PTPRD: variants seen among roughly 807,000 people sequenced by gnomAD.
PTPRD encodes protein tyrosine phosphatase receptor type D.
Under a neutral mutation model 214.5 loss-of-function variants are expected in PTPRD, and 34 were observed. That is an observed-to-expected ratio of 0.16 (90% CI 0.12 to 0.21). The LOEUF is 0.21. Ranked by LOEUF, PTPRD falls within the 10% of genes least tolerant of loss-of-function variation. The pLI is 1.00. For synonymous variants in PTPRD, 1,128 were observed against 845.7 expected (o/e 1.33, Z -5.79); for missense variants, 2,545 against 2,398.7 (o/e 1.06, Z -1.27).
intron 9 of PTPRD, among the ~76,000 whole-genome samples, chr9:9,199,405 G>A (rs985642893): frequency 1.3e-5 from 2 of 152,198 alleles, no homozygotes; most frequent in East Asian, 3.9e-4. Flanking sequence ...ATGCCCTATG[G>A]TACACACCAG....
chr9:10,047,308 C>T (rs2097420388), intron 3 of PTPRD, among the ~76,000 whole-genome samples: 1 of 117,188 alleles, frequency 8.5e-6, no homozygotes, highest in East Asian at 2.1e-4. Flanking sequence ...ATAAAATCAA[C>T]TAACTGTGTG....
rs73641267 is a variant in PTPRD at position 9,230,107 on chromosome 9, T to C, written c.-202-46744A>G. Among the ~76,000 whole-genome samples the C allele has an allele frequency of 3.1e-3, 468 of 152,216 alleles. 3 individuals are homozygous for C. The highest frequency in any genetic ancestry group is 0.01 in the African/African-American group (435 of 41,554). On this transcript the variant is annotated intron_variant, in intron 9 of 45. Coordinates refer to ENST00000381196, the MANE Select transcript of PTPRD (RefSeq NM_002839.4). ...GTCTTTGTCCTCTGTTCCCGACTGA[T>C]AGGAGTGTATTTTGTTATTCATAAG...
intron 3 of PTPRD, among the ~76,000 whole-genome samples, chr9:10,046,122 C>A (rs291264): frequency 0.38 from 57,836 of 151,542 alleles, 11,375 homozygotes; most frequent in African/African-American, 0.48. Flanking sequence ...TGATCAACTA[C>A]TTTGCACACA....
chr9:8,859,016 G>A (rs1225419879), intron 11 of PTPRD, among the ~76,000 whole-genome samples: 1 of 152,196 alleles, frequency 6.6e-6, no homozygotes, highest in Non-Finnish European at 1.5e-5. Flanking sequence ...TGCTGGTCGC[G>A]CCCTATTGAC....
intron 14 of PTPRD, among the ~76,000 whole-genome samples, chr9:8,586,935 C>T (rs192636152): frequency 2.2e-4 from 34 of 152,258 alleles, no homozygotes; most frequent in South Asian, 2.1e-4. Flanking sequence ...ACCATGAGGT[C>T]GGAAGATTGA....
intron 2 of PTPRD, among the ~76,000 whole-genome samples, chr9:10,403,227 A>AATATATATATATGTAT: frequency 1.7e-5 from 1 of 59,878 alleles, no homozygotes; most frequent in South Asian, 4.7e-4. Context: ...TGTGTGTGTA[A>AATATATATATATGTAT]ATATATATAT....
chr9:10,543,472 A>G (rs2059554490), intron 2 of PTPRD, among the ~76,000 whole-genome samples: 1 of 60,484 alleles, frequency 1.7e-5, no homozygotes, highest in South Asian at 8.5e-4. Flanking sequence ...AGTTTAATAT[A>G]TATATATACA....
chr9:9,991,633 C>A (rs1474478713), intron 4 of PTPRD, among the ~76,000 whole-genome samples: 1 of 151,606 alleles, frequency 6.6e-6, no homozygotes, highest in East Asian at 2.0e-4. Flanking sequence ...AGTGTTGGGA[C>A]TACAGGCATG....
chr9:9,791,482 T>C (rs1238612501), intron 5 of PTPRD, among the ~76,000 whole-genome samples: 1 of 152,126 alleles, frequency 6.6e-6, no homozygotes, highest in Admixed American at 6.5e-5. Context: ...GCTCATCTTG[T>C]GTGGAATCAT....
rs150516300 is a variant in PTPRD, at chr9:10,103,291, T to C, written c.-544-69501A>G. On this transcript the variant is annotated intron_variant, in intron 3 of 45. Coordinates refer to ENST00000381196, the MANE Select transcript of PTPRD (RefSeq NM_002839.4). Reference sequence around the variant, plus strand: ...CATAACTATCTATATATTTCTTGATTATCACAATTTTCTTCCTAAAACCAG... The same window carrying C: ...CATAACTATCTATATATTTCTTGATCATCACAATTTTCTTCCTAAAACCAG... 7.4e-4 allele frequency among the ~76,000 whole-genome samples: 112 copies of C among 150,464 alleles called. 2 individuals are homozygous for C. The South Asian group carries it at 0.021, about 29-fold the overall frequency.
chr9:10,442,090 C>T (rs1054285140), intron 2 of PTPRD, among the ~76,000 whole-genome samples: 2 of 151,658 alleles, frequency 1.3e-5, no homozygotes, highest in African/African-American at 4.8e-5. Flanking sequence ...TAAAATTCTA[C>T]AAATCTAGTT....
chr9:9,225,316 A>C (rs2099958719), intron 9 of PTPRD, among the ~76,000 whole-genome samples: 1 of 152,018 alleles, frequency 6.6e-6, no homozygotes, highest in South Asian at 2.1e-4. Context: ...AACCAGACAG[A>C]AATTACCTGA....
At chr9:8,364,861 T>C (rs1334383318) in intron 39 of PTPRD, among the ~76,000 whole-genome samples, 1 of 152,218 alleles carries the variant, frequency 6.6e-6, no homozygotes, top group Non-Finnish European at 1.5e-5. Context: ...GATGCTTAAT[T>C]GGGTCTAATG....
At chr9:9,752,052 C>T (rs1240757435) in intron 6 of PTPRD, among the ~76,000 whole-genome samples, 1 of 151,766 alleles carries the variant, frequency 6.6e-6, no homozygotes, top group Non-Finnish European at 1.5e-5. Context: ...GAAAATATTC[C>T]AGTGGTAAGT....
intron 7 of PTPRD, among the ~76,000 whole-genome samples, chr9:9,668,219 C>T (rs2096760393): frequency 6.6e-6 from 1 of 152,094 alleles, no homozygotes; most frequent in African/African-American, 2.4e-5. Flanking sequence ...AAAACGAAAT[C>T]ATTCTACTGT....
intron 12 of PTPRD, among the ~76,000 whole-genome samples, chr9:8,694,578 T>C (rs2097869530): frequency 6.6e-6 from 1 of 152,064 alleles, no homozygotes; most frequent in African/African-American, 2.4e-5. Flanking sequence ...CAAACAACAA[T>C]ACATTTTATT....
At chr9:9,290,160 G>A (rs1001556888) in intron 9 of PTPRD, among the ~76,000 whole-genome samples, 1 of 151,660 alleles carries the variant, frequency 6.6e-6, no homozygotes, top group African/African-American at 2.4e-5. Flanking sequence ...TCAAACAGAT[G>A]TGAGGTGATA....
intron 4 of PTPRD, among the ~76,000 whole-genome samples, chr9:9,951,357 T>C (rs889799662): frequency 6.6e-6 from 1 of 152,132 alleles, no homozygotes; most frequent in African/African-American, 2.4e-5. Flanking sequence ...TAGACCTAGG[T>C]TTTAATTATG....
intron 9 of PTPRD, among the ~76,000 whole-genome samples, chr9:9,292,186 T>C (rs1196819458): frequency 6.6e-6 from 1 of 151,288 alleles, no homozygotes; most frequent in Non-Finnish European, 1.5e-5. Context: ...TGAACACTTT[T>C]TTTTTTCTTT....
Sources: gnomAD v4.1 joint callset for allele counts (sites outside exome capture counted in the v4.1 genomes callset) on GRCh38, gnomAD v4.1.1 for gene constraint, MANE v1.5 for transcripts, NCBI Gene and HGNC (gene_info 2026-07-23, HGNC 2026-07-21) for gene names.